Variants in ARNT2 observed in about 807,000 individuals in gnomAD.
The protein encoded by ARNT2 is aryl hydrocarbon receptor nuclear translocator 2, also known as ARNT protein 2.
Under a neutral mutation model 91.7 loss-of-function variants are expected in ARNT2, and 36 were observed. That is an observed-to-expected ratio of 0.39 (90% CI 0.30 to 0.52). The LOEUF is 0.52. Among genes scored for constraint, ARNT2 ranks in the 20% least tolerant of loss-of-function variants. The pLI, the probability that ARNT2 is intolerant of heterozygous loss-of-function variation, is 0.72. For synonymous variants in ARNT2, 365 were observed against 347.1 expected (o/e 1.05, Z -0.57); for missense variants, 775 against 939.3 (o/e 0.83, Z 2.29).
intron 4 of ARNT2, among the ~76,000 whole-genome samples, chr15:80,474,578 C>T (rs1595978643): frequency 6.6e-6 from 1 of 152,108 alleles, no homozygotes; most frequent in Non-Finnish European, 1.5e-5. Context: ...TCCCTTCTCA[C>T]CTTCCCCTTC....
intron 13 of ARNT2, among the ~76,000 whole-genome samples, 199 bp downstream of exon 13, chr15:80,574,419 T>G (rs1192490157): frequency 6.6e-6 from 1 of 152,210 alleles, no homozygotes; most frequent in Non-Finnish European, 1.5e-5. Flanking sequence ...ATGAAGAATG[T>G]GTGAGTACCA....
At chr15:80,587,134 T>C (rs1376119670) in intron 17 of ARNT2, among the ~76,000 whole-genome samples, 7 of 152,326 alleles carry the variant, frequency 4.6e-5, no homozygotes, top group Non-Finnish European at 8.8e-5. Context: ...AGGAAGACTG[T>C]GATCCTTGCT....
At chr15:80,523,431 C>G (rs968048660) in intron 8 of ARNT2, among the ~76,000 whole-genome samples, 4 of 152,108 alleles carry the variant, frequency 2.6e-5, no homozygotes, top group African/African-American at 9.7e-5. Context: ...GAGGAAGGGT[C>G]CCTAACCTGC....
At chr15:80,546,584 A>T (rs148346052) in intron 8 of ARNT2, among the ~76,000 whole-genome samples, 18 of 152,354 alleles carry the variant, frequency 1.2e-4, no homozygotes, top group Admixed American at 3.3e-4. Flanking sequence ...AGACATTTTC[A>T]GTAGGTAAGT....
intron 5 of ARNT2, among the ~76,000 whole-genome samples, chr15:80,484,183 A>C (rs1015267163): frequency 3.4e-4 from 41 of 121,874 alleles, no homozygotes; most frequent in Non-Finnish European, 4.9e-4. Flanking sequence ...TAAATGTGGC[A>C]AAAAAAAAAA....
chr15:80,591,055 T>C lies in ARNT2; in HGVS notation c.1919-513T>C, dbSNP rs1255957582. On this transcript the variant is annotated intron_variant, in intron 17 of 18. Transcript: ENST00000303329. This position sits in a 1 kb window ranked among gnomAD's most constrained non-coding sequence, Gnocchi z 5.1. ...CGGGGGCAGAGGCTGAGGTTGGGAA[T>C]GCCAAGATGAGGCTTTTCCTCTAGC... 6.6e-6 allele frequency among the ~76,000 whole-genome samples: 1 copy of C among 152,214 alleles called. No homozygotes were observed. Among genetic ancestry groups the C allele is most frequent in the African/African-American group, 2.4e-5 (1 of 41,460 alleles).
chr15:80,490,114 T>C (rs919400754), intron 5 of ARNT2, among the ~76,000 whole-genome samples: 2 of 151,772 alleles, frequency 1.3e-5, no homozygotes, highest in African/African-American at 2.4e-5. Flanking sequence ...GAGAAAGTGG[T>C]GAGAGAGAGA....
intron 12 of ARNT2, 50 bp from the exon 13 acceptor site, chr15:80,574,098 T>C: frequency 1.3e-6 from 2 of 1,543,638 alleles, no homozygotes; most frequent in Non-Finnish European, 1.8e-6. Flanking sequence ...TTAGCCCTAT[T>C]GTCACCCCTT....
chr15:80,449,481 G>A (rs1355190869), intron 1 of ARNT2, among the ~76,000 whole-genome samples: 1 of 152,106 alleles, frequency 6.6e-6, no homozygotes, highest in African/African-American at 2.4e-5. Flanking sequence ...GTTGTCTAAA[G>A]GGGAGAGAAT....
intron 11 of ARNT2, among the ~76,000 whole-genome samples, chr15:80,558,948 T>C (rs1267025735): frequency 6.6e-6 from 1 of 152,208 alleles, no homozygotes; most frequent in African/African-American, 2.4e-5. Context: ...CTGTGCCCAG[T>C]AACTGGCCAG....
chr15:80,485,496 A>G (rs903652123), intron 5 of ARNT2, among the ~76,000 whole-genome samples: 50 of 152,338 alleles, frequency 3.3e-4, no homozygotes, highest in Admixed American at 1.9e-3. Context: ...AAGAGACACC[A>G]AAGAGATAAT....
At chr15:80,565,066 G>A (rs1898453428) in intron 12 of ARNT2, among the ~76,000 whole-genome samples, 2 of 152,026 alleles carry the variant, frequency 1.3e-5, no homozygotes, top group South Asian at 4.1e-4. Context: ...GGGACTACAG[G>A]CACACACCAC....
In ARNT2 at chr15:80,591,446, G is replaced by T. The variant is rs186143123; in HGVS notation, c.1919-122G>T. On this transcript the variant is annotated intron_variant, in intron 17 of 18. Transcript: ENST00000303329. The surrounding 1 kb of genome is among the most constrained non-coding windows in gnomAD (Gnocchi z 5.1). Reference sequence around the variant, plus strand: ...AAGACGAGGATAGCAAACACATTCCGCCAGCTCTGGATGGAACGTGCCTTT... The same window carrying T: ...AAGACGAGGATAGCAAACACATTCCTCCAGCTCTGGATGGAACGTGCCTTT... The T allele has an allele frequency of 7.1e-6, 9 of 1,265,364 alleles. No individual in the cohort carries two copies. The highest frequency in any genetic ancestry group is 1.0e-5 in the Non-Finnish European group (9 of 889,012). 78.4% of individuals were successfully genotyped at this position (1,265,364 alleles called of 1,614,324 possible).
chr15:80,409,016 A>T (rs1895644713), intron 1 of ARNT2, among the ~76,000 whole-genome samples: 1 of 152,120 alleles, frequency 6.6e-6, no homozygotes, highest in Non-Finnish European at 1.5e-5. Flanking sequence ...CTCCCCCATG[A>T]TCAACATTCC....
chr15:80,517,235 A>T (rs1897451666), intron 8 of ARNT2, among the ~76,000 whole-genome samples: 1 of 152,116 alleles, frequency 6.6e-6, no homozygotes, highest in Non-Finnish European at 1.5e-5. Context: ...ATAGGTTGGC[A>T]GCTACTTTGT....
intron 1 of ARNT2, among the ~76,000 whole-genome samples, chr15:80,438,738 G>A (rs1007079073): frequency 2.6e-5 from 4 of 152,336 alleles, no homozygotes; most frequent in Non-Finnish European, 2.9e-5. Flanking sequence ...CACGTGGGCT[G>A]CAGTGCAGTG....
chr15:80,522,760 C>CACATATATATATATAT (rs1555411701), intron 8 of ARNT2, among the ~76,000 whole-genome samples: 1 of 144,480 alleles, frequency 6.9e-6, no homozygotes, highest in African/African-American at 2.6e-5. Flanking sequence ...TGTACATACA[C>CACATATATATATATAT]ATATATATAT....
At chr15:80,567,495 A>T (rs1054157569) in intron 12 of ARNT2, among the ~76,000 whole-genome samples, 4 of 152,164 alleles carry the variant, frequency 2.6e-5, no homozygotes, top group Admixed American at 6.5e-5. Flanking sequence ...GTAGAATGCA[A>T]TGGGGGCAGA....
intron 17 of ARNT2, among the ~76,000 whole-genome samples, chr15:80,589,287 T>C (rs535429245): frequency 6.8e-6 from 1 of 146,804 alleles, no homozygotes; most frequent in South Asian, 2.1e-4. Context: ...GCCTATTGGA[T>C]GGGGCCTGGC....
Sources: allele counts gnomAD v4.1 joint callset (sites outside exome capture counted in the v4.1 genomes callset), GRCh38; gene constraint gnomAD v4.1.1; non-coding constraint Gnocchi (gnomAD v3.1); transcripts MANE v1.5; gene names NCBI Gene and HGNC (gene_info 2026-07-23, HGNC 2026-07-21).